The following TRPM3 variants were observed in gnomAD, a reference collection of about 807,000 sequenced individuals.
TRPM3 encodes the protein transient receptor potential cation channel subfamily M member 3.
TRPM3 carries 77 observed loss-of-function variants against 181.2 expected under a neutral mutation model. The observed-to-expected ratio is 0.42, with a 90% CI of 0.35 to 0.51. The LOEUF is 0.51. Ranked by LOEUF, TRPM3 falls within the 20% of genes least tolerant of loss-of-function variation. The pLI is 0.01. For missense variants in TRPM3, 1,759 were observed against 2,196.7 expected (o/e 0.80, Z 3.98); for synonymous variants, 745 against 796.4 (o/e 0.94, Z 1.09).
rs556960754 is a variant in TRPM3 at position 71,025,574 on chromosome 9, T to C, written c.177+95604A>G. Among the ~76,000 whole-genome samples, 146 of 152,308 alleles carry C rather than the reference T, an allele frequency of 9.6e-4. 1 individual carries two copies. The highest frequency in any genetic ancestry group is 3.3e-3 in the African/African-American group (137 of 41,558). ...ATTTCTTATTAATAAAGACAAGCATTGATTTAGCAGCCATCACTGTTGGTA... is the reference window on the plus strand; with the variant it reads ...ATTTCTTATTAATAAAGACAAGCATCGATTTAGCAGCCATCACTGTTGGTA... On this transcript the variant is annotated intron_variant, in intron 1 of 25. Coordinates refer to ENST00000677713, the MANE Select transcript of TRPM3 (RefSeq NM_001366145.2).
chr9:71,240,032 G>C lies in TRPM3; in HGVS notation c.183+206621C>G, dbSNP rs190225853. Among the ~76,000 whole-genome samples, 23 of 152,162 alleles carry C rather than the reference G, an allele frequency of 1.5e-4. No individual in the cohort carries two copies. In the East Asian group the frequency reaches 3.7e-3, roughly 24 times the overall value. ...ACATTTGCAACCTAAGAATTTATTC[G>C]CTTGAAAGGTTTCGTTCTTTTGTCA... On this transcript the variant is annotated intron_variant, in intron 1 of 24. Coordinates refer to the TRPM3 transcript ENST00000357533.
At chr9:71,147,747 T>C (rs1301485668) in intron 1 of TRPM3, among the ~76,000 whole-genome samples, 1 of 152,168 alleles carries the variant, frequency 6.6e-6, no homozygotes, top group Non-Finnish European at 1.5e-5. Context: ...AGCCTGCTGA[T>C]TCAAGTTCTC....
intron 10 of TRPM3, among the ~76,000 whole-genome samples, chr9:70,639,608 G>A (rs1362229219): frequency 6.6e-6 from 1 of 152,164 alleles, no homozygotes; most frequent in Non-Finnish European, 1.5e-5. Flanking sequence ...GCCAACTTGA[G>A]AAGAGGGACC....
rs1449363936 is a variant in TRPM3, at chr9:70,536,540, C to T, written c.4573G>A (p.Glu1525Lys). The change falls in exon 26 of 26, where the codon GAA becomes AAA. Residue 1525 changes from glutamate to lysine, a missense_variant. By Grantham distance (56) the Glu-to-Lys change is moderately conservative (BLOSUM62 1). This residue lies in a region of TRPM3 where 612 missense variants were observed against 590.0 expected (regional missense o/e 1.04). Coordinates refer to ENST00000677713, the MANE Select transcript of TRPM3 (RefSeq NM_001366145.2). The stretch of plus-strand genomic sequence containing the variant: ...TGAGATTTCACAATGGGAGCCTCTT[C>T]TAGAAGAAAGGGTGTGGTGGCTAGG... ...RYLATTPFLL[E>K]EAPIVKSHSF... is the part of the protein sequence containing the mutation. 1 of 1,614,014 alleles carries T rather than the reference C, an allele frequency of 6.2e-7. No homozygotes were observed. Among genetic ancestry groups the T allele is most frequent in the Non-Finnish European group, 8.5e-7 (1 of 1,180,044 alleles).
Position 70,790,694 on chromosome 9 carries a change from C to T in TRPM3, c.974-6415G>A, listed in dbSNP as rs542229987. The stretch of plus-strand genomic sequence containing the variant: ...TTCTTGATATCTTTAACTAATGCAT[C>T]TCTTCTGTGGTCTGGAAAGTGTGAG... On this transcript the variant is annotated intron_variant, in intron 6 of 25. Transcript: ENST00000677713. Among the ~76,000 whole-genome samples the T allele has an allele frequency of 2.6e-5, 4 of 152,166 alleles. No homozygotes were observed. The South Asian group carries it at 8.3e-4, about 32-fold the overall frequency.
chr9:70,769,427 CA>C (rs936007303), intron 7 of TRPM3, among the ~76,000 whole-genome samples: 76 of 152,060 alleles, frequency 5.0e-4, no homozygotes, highest in African/African-American at 1.8e-3. Flanking sequence ...ATTTTAGAAT[CA>C]GGGGGTACAC....
chr9:70,942,030 C>G (rs906211275), intron 1 of TRPM3, among the ~76,000 whole-genome samples: 1 of 152,132 alleles, frequency 6.6e-6, no homozygotes, highest in East Asian at 1.9e-4. Context: ...GTACTACATA[C>G]TCTTCAACTT....
At chr9:71,219,735 T>A (rs765286140) in intron 1 of TRPM3, among the ~76,000 whole-genome samples, 5 of 152,184 alleles carry the variant, frequency 3.3e-5, no homozygotes, top group Non-Finnish European at 7.3e-5. Flanking sequence ...CCAGGGCCAA[T>A]CAGGGTGAAC....
intron 1 of TRPM3, among the ~76,000 whole-genome samples, chr9:71,373,002 A>G (rs558869598): frequency 1.3e-5 from 2 of 152,346 alleles, no homozygotes; most frequent in Non-Finnish European, 2.9e-5. Flanking sequence ...TGGGAATTGA[A>G]CAACCTGCTG....
chr9:70,671,921 G>C (rs1298216451), intron 9 of TRPM3, among the ~76,000 whole-genome samples: 6 of 137,860 alleles, frequency 4.4e-5, no homozygotes, highest in African/African-American at 1.7e-4. Context: ...GTGCCACCAT[G>C]TCCAGCTAAT....
chr9:70,984,339 AT>A (rs1306216132), intron 1 of TRPM3, among the ~76,000 whole-genome samples: 1 of 152,172 alleles, frequency 6.6e-6, no homozygotes, highest in Non-Finnish European at 1.5e-5. Context: ...AAGTTCTATA[AT>A]TTGAAGGCTG....
chr9:70,658,448 TGTCAAATA>T (rs1204073952), intron 9 of TRPM3, among the ~76,000 whole-genome samples: 1 of 152,150 alleles, frequency 6.6e-6, no homozygotes, highest in Non-Finnish European at 1.5e-5. Context: ...CAGGAAGCAT[TGTCAAATA>T]TGAAATGGTG....
chr9:70,870,069 T>C (rs1177733219), intron 1 of TRPM3, among the ~76,000 whole-genome samples: 1 of 152,046 alleles, frequency 6.6e-6, no homozygotes, highest in African/African-American at 2.4e-5. Context: ...GAGATGGCAC[T>C]CTTCCCTTTT....
chr9:71,385,278 CTTTCTTTAATAACTA>C (rs1226125788), intron 1 of TRPM3, among the ~76,000 whole-genome samples: 77 of 152,236 alleles, frequency 5.1e-4, no homozygotes, highest in African/African-American at 1.8e-3. Flanking sequence ...AAAAATATTT[CTTTCTTTAATAACTA>C]TTTAGAAAAA....
chr9:71,362,583 T>C (rs1221041261), intron 1 of TRPM3, among the ~76,000 whole-genome samples: 1 of 152,186 alleles, frequency 6.6e-6, no homozygotes, highest in African/African-American at 2.4e-5. Context: ...TCTAAAAATA[T>C]AAGAGTTGAA....
chr9:71,169,817 A>G (rs2134786913), intron 1 of TRPM3, among the ~76,000 whole-genome samples: 1 of 151,366 alleles, frequency 6.6e-6, no homozygotes, highest in Admixed American at 6.6e-5. Flanking sequence ...AAATTTTTAG[A>G]AATATTTTTT....
chr9:70,766,195 T>C (rs977977321), intron 7 of TRPM3, among the ~76,000 whole-genome samples: 1 of 152,186 alleles, frequency 6.6e-6, no homozygotes, highest in African/African-American at 2.4e-5. Flanking sequence ...AATAGGCCAA[T>C]GTTCAGCCAG....
At chr9:71,005,232 C>T (rs1445651777) in intron 1 of TRPM3, among the ~76,000 whole-genome samples, 1 of 152,234 alleles carries the variant, frequency 6.6e-6, no homozygotes. Flanking sequence ...CATGAACAAA[C>T]CTCATTTCTA....
At chr9:70,753,727 G>T (rs910886739) in intron 8 of TRPM3, among the ~76,000 whole-genome samples, 1 of 152,126 alleles carries the variant, frequency 6.6e-6, no homozygotes, top group African/African-American at 2.4e-5. Context: ...AGTGGTGGGA[G>T]GGGGGAGGTA....
Sources: allele counts gnomAD v4.1 joint callset (sites outside exome capture counted in the v4.1 genomes callset), GRCh38; gene constraint gnomAD v4.1.1; regional missense constraint gnomAD v4.1.1; transcripts MANE v1.5; gene names NCBI Gene and HGNC (gene_info 2026-07-23, HGNC 2026-07-21).